Variants in SEMA6D observed in about 807,000 individuals in gnomAD.
SEMA6D encodes semaphorin 6D.
Under a neutral mutation model 106.6 loss-of-function variants are expected in SEMA6D, and 35 were observed. The ratio of observed to expected loss-of-function variants is 0.33; its 90% CI spans 0.25 to 0.44. The LOEUF (loss-of-function observed/expected upper bound fraction) is 0.44, where lower values mean the gene tolerates loss of function less well. Ranked by LOEUF, SEMA6D falls within the 20% of genes least tolerant of loss-of-function variation. The probability of loss-of-function intolerance (pLI) is 1.00; values close to 1 mark genes in which losing one functional copy is unlikely to be tolerated. For missense variants in SEMA6D, 1,185 were observed against 1,345.9 expected (o/e 0.88, Z 1.87); for synonymous variants, 499 against 487.7 (o/e 1.02, Z -0.31).
At chr15:47,553,502 C>T (rs1389927169) in intron 3 of SEMA6D, among the ~76,000 whole-genome samples, 1 of 152,110 alleles carries the variant, frequency 6.6e-6, no homozygotes, top group African/African-American at 2.4e-5. Flanking sequence ...GCTAATAGTT[C>T]ACATTTCCTG....
chr15:47,624,709 T>A (rs1309418940), intron 4 of SEMA6D, among the ~76,000 whole-genome samples: 1 of 152,148 alleles, frequency 6.6e-6, no homozygotes, highest in Admixed American at 6.5e-5. Flanking sequence ...GAGTCAGCAA[T>A]GAAGTGCCAT....
In SEMA6D at chr15:47,730,808, C is replaced by A. The variant is rs1006812575; in HGVS notation, c.-55+13116C>A. 6 of 1,580,472 alleles carry A rather than the reference C, an allele frequency of 3.8e-6. No homozygotes were observed. In the African/African-American group the frequency reaches 4.0e-5, roughly 11 times the overall value. On this transcript the variant is annotated intron_variant, in intron 1 of 18. Coordinates refer to ENST00000536845, the MANE Select transcript of SEMA6D (RefSeq NM_001358351.3). The stretch of plus-strand genomic sequence containing the variant: ...GTGAGGTCTCTTTTGGGCTGGATGT[C>A]CTGTCCAATGCCAAAATTCTTAGGC...
intron 1 of SEMA6D, among the ~76,000 whole-genome samples, chr15:47,190,067 G>A (rs930972733): frequency 6.6e-6 from 1 of 152,176 alleles, no homozygotes; most frequent in Non-Finnish European, 1.5e-5. Context: ...TGGTGTTTGA[G>A]CTTTGATTCT....
chr15:47,447,596 A>G (rs2042067591), intron 2 of SEMA6D, among the ~76,000 whole-genome samples: 1 of 152,124 alleles, frequency 6.6e-6, no homozygotes, highest in Non-Finnish European at 1.5e-5. Context: ...ACATGGCCCT[A>G]TATATTTCTT....
intron 3 of SEMA6D, among the ~76,000 whole-genome samples, chr15:47,553,519 A>G (rs1380668585): frequency 6.6e-6 from 1 of 152,162 alleles, no homozygotes; most frequent in Admixed American, 6.5e-5. Flanking sequence ...CCTGCCTGAA[A>G]GAGCATGTTT....
At chr15:47,527,881 G>T (rs1347063432) in intron 3 of SEMA6D, 1 of 152,114 alleles carries the variant, frequency 6.6e-6, no homozygotes. Context: ...TCAAGATATT[G>T]CATGTCAGTA....
intron 4 of SEMA6D, among the ~76,000 whole-genome samples, chr15:47,640,802 A>G (rs143631031): frequency 0.011 from 1,605 of 152,228 alleles, 18 homozygotes; most frequent in South Asian, 0.045. Flanking sequence ...AAGGAATATG[A>G]TATTAACGTT....
chr15:47,484,046 A>G lies in SEMA6D; in HGVS notation c.-87+13501A>G, dbSNP rs1254599641. Among the ~76,000 whole-genome samples the G allele has an allele frequency of 1.3e-5, 2 of 152,132 alleles. 1 individual carries two copies. Among genetic ancestry groups the G allele is most frequent in the East Asian group, 3.9e-4 (2 of 5,192 alleles). ...GCAGAGATATTTGCTTATCTCACCA[A>G]ACTGCAGGTTGCCTGCTTTACTTGT... On this transcript the variant is annotated intron_variant, in intron 3 of 19. Transcript: ENST00000558014.
At chr15:47,279,335 A>G (rs1228685397) in intron 1 of SEMA6D, among the ~76,000 whole-genome samples, 5 of 119,006 alleles carry the variant, frequency 4.2e-5, no homozygotes, top group African/African-American at 1.2e-4. Context: ...TTTGTCTGTT[A>G]TTGGTGTATG....
rs765213217 is a variant in SEMA6D at position 47,770,815 on chromosome 15, A to G, written c.2252A>G (p.Asn751Ser). 1.1e-5 allele frequency: 18 copies of G among 1,613,820 alleles called. No individual in the cohort carries two copies. Among genetic ancestry groups the G allele is most frequent in the Middle Eastern group, 3.3e-4 (2 of 6,084 alleles). Residue 751 changes from asparagine to serine, a missense_variant, in exon 19 of 19, where the codon AAT becomes AGT. Around this residue, in one of 3 missense-constraint regions of SEMA6D, gnomAD observed 750 missense variants for 783.5 expected, o/e 0.96. Transcript: ENST00000536845. ...LLTSRKELPP[N>S]GDTKSMVMDH... Reference sequence around the variant, plus strand: ...ACCAGTCGGAAAGAGCTACCACCCAATGGAGATACTAAATCCATGGTAATG... The same window carrying G: ...ACCAGTCGGAAAGAGCTACCACCCAGTGGAGATACTAAATCCATGGTAATG...
intron 1 of SEMA6D, among the ~76,000 whole-genome samples, chr15:47,193,700 C>G (rs1214622420): frequency 6.6e-6 from 1 of 152,064 alleles, no homozygotes; most frequent in Non-Finnish European, 1.5e-5. Flanking sequence ...TGTCACAGGG[C>G]CTTTGTGCAT....
chr15:47,588,106 C>T (rs1263263212), intron 3 of SEMA6D, among the ~76,000 whole-genome samples: 1 of 152,140 alleles, frequency 6.6e-6, no homozygotes, highest in Non-Finnish European at 1.5e-5. Context: ...CTCACTGGCT[C>T]CCTCCCACGC....
chr15:47,401,250 C>T (rs2040388205), intron 1 of SEMA6D, among the ~76,000 whole-genome samples: 1 of 152,094 alleles, frequency 6.6e-6, no homozygotes, highest in African/African-American at 2.4e-5. Context: ...CTCCTCAAAC[C>T]TTTTTATAAT....
rs531609624 is a variant in SEMA6D, at chr15:47,484,627, C to A, written c.-87+14082C>A. On this transcript the variant is annotated intron_variant, in intron 3 of 19. Coordinates refer to the SEMA6D transcript ENST00000558014. The stretch of plus-strand genomic sequence containing the variant: ...TTAGTTCATGAATTTAATATTTTAT[C>A]CCCTAATCAGAGTCACTCAAGCCAT... Among the ~76,000 whole-genome samples the A allele has an allele frequency of 1.2e-4, 19 of 152,122 alleles. 1 individual carries two copies. The South Asian group carries it at 3.9e-3, about 32-fold the overall frequency.
At chr15:47,764,583 T>C in intron 11 of SEMA6D, 55 bp from the exon 12 acceptor site, 1 of 1,601,250 alleles carries the variant, frequency 6.2e-7, no homozygotes, top group Non-Finnish European at 8.5e-7. Flanking sequence ...TTAGATACAG[T>C]ACATGGTGTG....
At chr15:47,354,744 C>T (rs1011838282) in intron 1 of SEMA6D, among the ~76,000 whole-genome samples, 2 of 151,982 alleles carry the variant, frequency 1.3e-5, no homozygotes, top group Non-Finnish European at 2.9e-5. Flanking sequence ...TAGCTTCCTG[C>T]CAGTCTGCAC....
chr15:47,493,312 A>G (rs1328344133), intron 3 of SEMA6D, among the ~76,000 whole-genome samples: 1 of 152,180 alleles, frequency 6.6e-6, no homozygotes, highest in Non-Finnish European at 1.5e-5. Flanking sequence ...CACTATGTGA[A>G]ATTTTGTTAG....
chr15:47,382,906 T>A (rs1459357993), intron 1 of SEMA6D, among the ~76,000 whole-genome samples: 1 of 151,224 alleles, frequency 6.6e-6, no homozygotes, highest in African/African-American at 2.4e-5. Flanking sequence ...TAGCTGAGAT[T>A]ACAGGTGTTT....
chr15:47,370,998 C>T (rs986688219), intron 1 of SEMA6D, among the ~76,000 whole-genome samples: 7 of 152,282 alleles, frequency 4.6e-5, no homozygotes, highest in South Asian at 2.1e-4. Flanking sequence ...GAAGGTAAGA[C>T]GTCCCGCCAG....
Sources: allele counts gnomAD v4.1 joint callset (sites outside exome capture counted in the v4.1 genomes callset), GRCh38; gene constraint gnomAD v4.1.1; regional missense constraint gnomAD v4.1.1; transcripts MANE v1.5; gene names NCBI Gene and HGNC (gene_info 2026-07-23, HGNC 2026-07-21).